Variants in COPG2 observed in about 807,000 individuals in gnomAD.
COPG2 encodes coat protein complex I subunit gamma 2.
A neutral mutation model predicts 46.3 loss-of-function variants in COPG2; 37 were observed. That is an observed-to-expected ratio of 0.80 (90% CI 0.61 to 1.05). The LOEUF (loss-of-function observed/expected upper bound fraction) is 1.05. Among genes scored for constraint, COPG2 ranks in the 50% least tolerant of loss-of-function variants. The pLI is 0.00. For synonymous variants in COPG2, 159 were observed against 129.7 expected (o/e 1.23, Z -1.53); for missense variants, 427 against 387.8 (o/e 1.10, Z -0.85).
At chr7:130,579,551 G>A (rs1339840483) in intron 9 of COPG2, among the ~76,000 whole-genome samples, 1 of 152,082 alleles carries the variant, frequency 6.6e-6, no homozygotes, top group South Asian at 2.1e-4. Context: ...GACACAGACT[G>A]GCAAATTGGA....
At chr7:130,606,223 A>T (rs963754544) in intron 9 of COPG2, among the ~76,000 whole-genome samples, 1 of 149,882 alleles carries the variant, frequency 6.7e-6, no homozygotes, top group African/African-American at 2.5e-5. Flanking sequence ...AAGACTTTAA[A>T]ATAAATAAAA....
chr7:130,568,711 C>CTCTG (rs1335757403), intron 9 of COPG2, among the ~76,000 whole-genome samples: 14 of 152,176 alleles, frequency 9.2e-5, no homozygotes, highest in Non-Finnish European at 2.1e-4. Context: ...AACACATGGA[C>CTCTG]TTAACAGATA....
intron 5 of COPG2, among the ~76,000 whole-genome samples, chr7:130,636,206 A>C (rs903197767): frequency 7.9e-5 from 12 of 152,120 alleles, no homozygotes; most frequent in African/African-American, 2.9e-4. Flanking sequence ...AGTTCTGTAG[A>C]TTTCTATTAG....
At chr7:130,584,473 C>T (rs1025328673) in intron 9 of COPG2, among the ~76,000 whole-genome samples, 6 of 151,960 alleles carry the variant, frequency 3.9e-5, no homozygotes, top group African/African-American at 1.4e-4. Flanking sequence ...GACAAGGATG[C>T]CCAAGAAATA....
At chr7:130,617,131 C>A (rs962826658) in intron 5 of COPG2, 66 bp from the exon 6 acceptor site, 1 of 860,614 alleles carries the variant, frequency 1.2e-6, no homozygotes, top group South Asian at 1.7e-5. Flanking sequence ...TCACCCCTAG[C>A]CAATTTCCAA....
intron 5 of COPG2, among the ~76,000 whole-genome samples, chr7:130,644,383 T>C (rs1204886472): frequency 3.3e-5 from 5 of 152,156 alleles, no homozygotes; most frequent in Admixed American, 6.5e-5. Flanking sequence ...CTTCAGACCA[T>C]AGTAGAAAGT....
chr7:130,575,170 G>T (rs868978148), intron 9 of COPG2, among the ~76,000 whole-genome samples: 5 of 152,140 alleles, frequency 3.3e-5, no homozygotes, highest in Non-Finnish European at 2.9e-5. Flanking sequence ...CCTTGCAAGA[G>T]ACCTAGACAT....
intron 20 of COPG2, among the ~76,000 whole-genome samples, chr7:130,534,831 G>A (rs1042238220): frequency 9.2e-5 from 14 of 151,922 alleles, no homozygotes; most frequent in African/African-American, 1.7e-4. Context: ...GCTCACTGGG[G>A]CCCTATCCAA....
intron 20 of COPG2, among the ~76,000 whole-genome samples, chr7:130,522,739 CTAAG>C (rs1324260727): frequency 9.9e-4 from 150 of 151,938 alleles, no homozygotes; most frequent in African/African-American, 3.2e-3. Context: ...ACAAAAAATG[CTAAG>C]TAAGAAGTAT....
intron 9 of COPG2, among the ~76,000 whole-genome samples, chr7:130,587,153 A>G (rs528178973): frequency 6.6e-6 from 1 of 151,998 alleles, no homozygotes; most frequent in Non-Finnish European, 1.5e-5. Context: ...CTGAAAATAC[A>G]AAAATTAGCC....
At chr7:130,598,032 C>T (rs1263231230) in intron 9 of COPG2, among the ~76,000 whole-genome samples, 3 of 152,310 alleles carry the variant, frequency 2.0e-5, no homozygotes, top group East Asian at 1.9e-4. Flanking sequence ...GGGGATTCTT[C>T]GCCCAAGGAC....
chr7:130,527,430 C>A, intron 20 of COPG2, among the ~76,000 whole-genome samples: 1 of 130,480 alleles, frequency 7.7e-6, no homozygotes, highest in Non-Finnish European at 1.5e-5. Flanking sequence ...GTCAAGGTGG[C>A]TGTCCACAGC....
chr7:130,586,622 C>T (rs951824244), intron 9 of COPG2, among the ~76,000 whole-genome samples: 9 of 151,894 alleles, frequency 5.9e-5, no homozygotes, highest in African/African-American at 1.4e-4. Context: ...GCCACCACGC[C>T]GGGCTAATTT....
At chr7:130,508,000 CAG>C (rs1439601432) in intron 21 of COPG2, 177 bp from the exon 22 acceptor site, 10 of 567,712 alleles carry the variant, frequency 1.8e-5, no homozygotes, top group African/African-American at 1.9e-5. Context: ...AGCAAGAAAA[CAG>C]AACATCTGGC....
chr7:130,507,124 T>TGCAATAACCAAGAATA (rs1799508685), intron 23 of COPG2, 150 bp downstream of exon 23: 1 of 658,448 alleles, frequency 1.5e-6, no homozygotes, highest in Admixed American at 2.4e-5. Flanking sequence ...AAGAATAGCA[T>TGCAATAACCAAGAATA]GCAAAACAAA....
chr7:130,522,095 C>G (rs1799728813), intron 20 of COPG2, among the ~76,000 whole-genome samples: 1 of 152,136 alleles, frequency 6.6e-6, no homozygotes, highest in Admixed American at 6.5e-5. Flanking sequence ...AAGGGCTGCT[C>G]ACTGCACCAG....
intron 4 of COPG2, among the ~76,000 whole-genome samples, chr7:130,661,879 A>G (rs78080090): frequency 0.011 from 1,627 of 152,336 alleles, 16 homozygotes; most frequent in Non-Finnish European, 0.013. Context: ...AACTGCCTTC[A>G]TAGAAAGCCT....
At chr7:130,612,581 A>G (rs1041242361) in intron 7 of COPG2, among the ~76,000 whole-genome samples, 7 of 152,202 alleles carry the variant, frequency 4.6e-5, no homozygotes, top group African/African-American at 1.7e-4. Context: ...TGGAAGAAAG[A>G]GAGTACTAGT....
At chr7:130,668,035 G>A (rs1796124135) in intron 1 of COPG2, among the ~76,000 whole-genome samples, 1 of 152,020 alleles carries the variant, frequency 6.6e-6, no homozygotes, top group Admixed American at 6.6e-5. Flanking sequence ...TTCTTTTTGA[G>A]GATGCTTGGC....
Sources: allele counts gnomAD v4.1 joint callset (sites outside exome capture counted in the v4.1 genomes callset), GRCh38; gene constraint gnomAD v4.1.1; transcripts MANE v1.5; gene names NCBI Gene and HGNC (gene_info 2026-07-23, HGNC 2026-07-21).